Variants in TADA2A observed in about 807,000 individuals in gnomAD.
The protein encoded by TADA2A is transcriptional adaptor 2A, also known as transcriptional adapter 2-alpha.
Under a neutral mutation model 67.4 loss-of-function variants are expected in TADA2A, and 38 were observed. That is an observed-to-expected ratio of 0.56 (90% confidence interval 0.44 to 0.74). The LOEUF (loss-of-function observed/expected upper bound fraction) is 0.74. Among genes scored for constraint, TADA2A ranks in the 30% least tolerant of loss-of-function variants. The pLI is 0.00. For missense variants in TADA2A, 454 were observed against 547.0 expected, an observed-to-expected ratio of 0.83 and a Z score of 1.70; for synonymous variants, 192 against 181.6, an observed-to-expected ratio of 1.06 and a Z score of -0.46.
chr17:37,419,907 C>T lies in TADA2A; in HGVS notation c.26-3602C>T, dbSNP rs993797384. ...GTGTGCACTTGTAGTCCCAGCTACT[C>T]GGGAGGCTGAGGGAGAAGAATCGCC... On this transcript the variant is annotated intron_variant, in intron 2 of 15. Transcript: ENST00000615182. Among the ~76,000 whole-genome samples, 5 of 143,610 alleles carry T rather than the reference C, an allele frequency of 3.5e-5. No individual in the cohort carries two copies. In the East Asian group the frequency reaches 8.9e-4, roughly 26 times the overall value. 94.2% of individuals were successfully genotyped at this position (143,610 alleles called of 152,430 possible).
chr17:37,462,611 G>A (rs544635484), intron 10 of TADA2A, among the ~76,000 whole-genome samples: 26 of 149,866 alleles, frequency 1.7e-4, no homozygotes, highest in South Asian at 1.0e-3. Flanking sequence ...CAGCCTGGGC[G>A]ATAGAGCAAG....
chr17:37,422,492 T>TTATTATTA (rs1318068961), intron 2 of TADA2A, among the ~76,000 whole-genome samples: 1 of 140,284 alleles, frequency 7.1e-6, no homozygotes, highest in African/African-American at 2.8e-5. Flanking sequence ...ATTATTATTA[T>TTATTATTA]TATTATTATT....
At chr17:37,458,981 C>G (rs2053476767) in intron 9 of TADA2A, among the ~76,000 whole-genome samples, 1 of 152,066 alleles carries the variant, frequency 6.6e-6, no homozygotes, top group Non-Finnish European at 1.5e-5. Context: ...CTGGCCTCAG[C>G]TTTGAGTGAT....
intron 8 of TADA2A, among the ~76,000 whole-genome samples, chr17:37,450,252 A>C (rs2053196481): frequency 6.6e-6 from 1 of 152,156 alleles, no homozygotes; most frequent in Non-Finnish European, 1.5e-5. Context: ...TCCCTGCACA[A>C]AATTGTTTGT....
intron 15 of TADA2A, among the ~76,000 whole-genome samples, chr17:37,476,184 C>CT (rs1327807415): frequency 1.3e-5 from 2 of 152,132 alleles, no homozygotes; most frequent in Non-Finnish European, 2.9e-5. Context: ...GAATTTCAAG[C>CT]TTTTTTTATC....
chr17:37,462,273 G>A, intron 10 of TADA2A, 152 bp downstream of exon 10: 1 of 566,608 alleles, frequency 1.8e-6, no homozygotes, highest in Non-Finnish European at 3.1e-6. Context: ...GGGGTTGGAG[G>A]CACAGCACCT....
chr17:37,411,379 G>T lies in TADA2A; in HGVS notation c.14G>T (p.Gly5Val), dbSNP rs757277731. Reference protein sequence around the residue: MDRLGSFSNDPSDKP... With the variant: MDRLVSFSNDPSDKP... ...GCCAATTAGGGAATGGACCGTTTGG[G>T]TTCCTTTAGCAGTAAGTACAGTGGG... Residue 5 changes from glycine (G) to valine (V), a missense_variant, in exon 2 of 16, where the codon GGT becomes GTT. By Grantham distance (109) the Gly-to-Val change is moderately radical. Around this residue, in one of 2 missense-constraint regions of TADA2A, gnomAD observed 403 missense variants for 455.5 expected, o/e 0.88. Transcript: ENST00000615182. 1 of 1,613,700 alleles carries T rather than the reference G, an allele frequency of 6.2e-7. No individual in the cohort carries two copies. Among genetic ancestry groups the T allele is most frequent in the Non-Finnish European group, 8.5e-7 (1 of 1,179,784 alleles).
At chr17:37,413,743 A>AT (rs1426112957) in intron 2 of TADA2A, among the ~76,000 whole-genome samples, 7 of 151,554 alleles carry the variant, frequency 4.6e-5, no homozygotes, top group African/African-American at 9.7e-5. Context: ...CAAAAAGATG[A>AT]TTCCCCCCCC....
chr17:37,449,230 C>T (rs536704933), intron 8 of TADA2A, among the ~76,000 whole-genome samples: 2 of 152,224 alleles, frequency 1.3e-5, no homozygotes, highest in African/African-American at 4.8e-5. Flanking sequence ...ACCATGTTAG[C>T]CAGGATAGTC....
intron 4 of TADA2A, among the ~76,000 whole-genome samples, chr17:37,428,129 A>G (rs2147937508): frequency 6.6e-6 from 1 of 152,338 alleles, no homozygotes; most frequent in African/African-American, 2.4e-5. Flanking sequence ...AAAATTTCAC[A>G]TAGTAGATTA....
intron 11 of TADA2A, among the ~76,000 whole-genome samples, chr17:37,467,172 T>G (rs942991709): frequency 5.3e-5 from 8 of 151,990 alleles, no homozygotes; most frequent in African/African-American, 1.9e-4. Flanking sequence ...AAAAAAAAAT[T>G]GTTACTTTTG....
At chr17:37,430,952 G>T (rs978837782) in intron 4 of TADA2A, among the ~76,000 whole-genome samples, 1 of 152,080 alleles carries the variant, frequency 6.6e-6, no homozygotes, top group Non-Finnish European at 1.5e-5. Context: ...AAATTTCTCT[G>T]TTGGATTTCA....
rs186588557 is a variant in TADA2A, at chr17:37,473,390, G to A, written c.1073-1166G>A. On this transcript the variant is annotated intron_variant, in intron 14 of 15. Coordinates refer to ENST00000615182, the MANE Select transcript of TADA2A (RefSeq NM_001166105.3). ...TTCTTAAGGCAACTATGTATTGGAA[G>A]CCTGGCATCTTTGATTGTAGCCTAG... is the stretch of plus-strand genomic sequence containing the variant. Among the ~76,000 whole-genome samples the A allele has an allele frequency of 3.3e-5, 5 of 152,166 alleles. No homozygotes were observed. The East Asian group carries it at 9.7e-4, about 29-fold the overall frequency.
rs1050462292 is a variant in TADA2A, at chr17:37,446,071, A to G, written c.604+1303A>G. On this transcript the variant is annotated intron_variant, in intron 8 of 15. Transcript: ENST00000615182. ...TACCTTAAGAAATTTTTCTCTACAC[A>G]TTTCTTGAGCGGTGGGTTTTTTTTT... 3.6e-5 allele frequency among the ~76,000 whole-genome samples: 5 copies of G among 138,280 alleles called. No individual in the cohort carries two copies. The East Asian group carries it at 6.3e-4, about 17-fold the overall frequency. 90.7% of individuals were successfully genotyped at this position (138,280 alleles called of 152,430 possible).
intron 4 of TADA2A, among the ~76,000 whole-genome samples, chr17:37,431,185 A>G: frequency 6.6e-6 from 1 of 152,080 alleles, no homozygotes; most frequent in Non-Finnish European, 1.5e-5. Flanking sequence ...AGAGAGAATG[A>G]TGTTTGGTTA....
intron 4 of TADA2A, among the ~76,000 whole-genome samples, chr17:37,429,293 C>G (rs573014833): frequency 2.4e-4 from 37 of 152,156 alleles, no homozygotes; most frequent in African/African-American, 8.9e-4. Context: ...TCAGGGTAAT[C>G]CAGGATAGTC....
At chr17:37,445,433 T>C (rs2147982703) in intron 8 of TADA2A, among the ~76,000 whole-genome samples, 1 of 152,226 alleles carries the variant, frequency 6.6e-6, no homozygotes, top group African/African-American at 2.4e-5. Flanking sequence ...GCCCAGCTAA[T>C]TTTTGTTTTT....
intron 2 of TADA2A, 61 bp downstream of exon 2, chr17:37,411,451 C>T: frequency 6.7e-7 from 1 of 1,481,550 alleles, no homozygotes; most frequent in Non-Finnish European, 9.4e-7. Flanking sequence ...GAGATGGACT[C>T]TCCCTCTGTT....
intron 14 of TADA2A, among the ~76,000 whole-genome samples, chr17:37,471,443 A>G (rs1274730621): frequency 4.6e-5 from 7 of 152,186 alleles, no homozygotes; most frequent in Non-Finnish European, 1.0e-4. Context: ...AGTTGTGTCT[A>G]CCACTAATTT....
Sources: allele counts gnomAD v4.1 joint callset (sites outside exome capture counted in the v4.1 genomes callset), GRCh38; gene constraint gnomAD v4.1.1; regional missense constraint gnomAD v4.1.1; transcripts MANE v1.5; gene names NCBI Gene and HGNC (gene_info 2026-07-23, HGNC 2026-07-21).